Variants in IQSEC1 observed in about 807,000 individuals in gnomAD.
IQSEC1 encodes the protein IQ motif and Sec7 domain ArfGEF 1.
Under a neutral mutation model 91.0 loss-of-function variants are expected in IQSEC1, and 31 were observed. The ratio of observed to expected loss-of-function variants is 0.34; its 90% CI spans 0.26 to 0.46. The LOEUF (loss-of-function observed/expected upper bound fraction) is 0.46, where lower values mean the gene tolerates loss of function less well. Ranked by LOEUF, IQSEC1 falls within the 20% of genes least tolerant of loss-of-function variation. The probability of loss-of-function intolerance (pLI) is 1.00; values close to 1 mark genes in which losing one functional copy is unlikely to be tolerated. For missense variants in IQSEC1, 1,388 were observed against 1,575.6 expected, an observed-to-expected ratio of 0.88 and a Z score of 2.02; for synonymous variants, 699 against 662.6, an observed-to-expected ratio of 1.05 and a Z score of -0.84.
chr3:12,903,912 T>G (rs1694670260), intron 12 of IQSEC1, among the ~76,000 whole-genome samples: 1 of 152,202 alleles, frequency 6.6e-6, no homozygotes, highest in African/African-American at 2.4e-5. Context: ...GGCCCAATTC[T>G]CACAGGCAGC....
chr3:12,949,364 C>A (rs564947502), intron 1 of IQSEC1, among the ~76,000 whole-genome samples: 136 of 152,358 alleles, frequency 8.9e-4, no homozygotes, highest in Middle Eastern at 6.8e-3. Context: ...GGGGGCCGGG[C>A]CCCATGCTAG....
intron 1 of IQSEC1, among the ~76,000 whole-genome samples, chr3:13,165,345 G>A (rs1384970895): frequency 2.0e-5 from 3 of 152,116 alleles, no homozygotes; most frequent in South Asian, 2.1e-4. Flanking sequence ...GACCCCGGGG[G>A]CCATGGGACA....
intron 2 of IQSEC1, among the ~76,000 whole-genome samples, chr3:13,093,795 G>T (rs12490971): frequency 0.12 from 17,955 of 152,134 alleles, 1,095 homozygotes; most frequent in Middle Eastern, 0.21. Context: ...CCCACTGTTG[G>T]TCCACGTGAC....
At chr3:12,906,350 G>A (rs1306282156) in intron 12 of IQSEC1, among the ~76,000 whole-genome samples, 1 of 152,186 alleles carries the variant, frequency 6.6e-6, no homozygotes, top group Non-Finnish European at 1.5e-5. Flanking sequence ...CCCCCATCTG[G>A]TCCAGAGCAC....
chr3:13,040,271 A>C (rs1024156424), intron 1 of IQSEC1, among the ~76,000 whole-genome samples: 1 of 152,226 alleles, frequency 6.6e-6, no homozygotes, highest in Non-Finnish European at 1.5e-5. Flanking sequence ...TCCTGCAGGA[A>C]GCCTTCCAAT....
chr3:13,270,922 T>C (rs1695580613), intron 1 of IQSEC1, among the ~76,000 whole-genome samples: 1 of 151,976 alleles, frequency 6.6e-6, no homozygotes, highest in Non-Finnish European at 1.5e-5. Flanking sequence ...AAGACACAAA[T>C]AGGCTGAAAA....
intron 2 of IQSEC1, among the ~76,000 whole-genome samples, chr3:13,081,432 C>A (rs1394850015): frequency 5.3e-5 from 8 of 152,112 alleles, no homozygotes; most frequent in Admixed American, 1.3e-4. Context: ...CTACATCTGG[C>A]TAATTTTTAA....
intron 1 of IQSEC1, among the ~76,000 whole-genome samples, chr3:13,003,276 CAAAA>C (rs56239928): frequency 4.2e-4 from 24 of 57,104 alleles, no homozygotes; most frequent in East Asian, 2.0e-3. Flanking sequence ...CTGTCTCTAC[CAAAA>C]AAAAAAAAAA....
chr3:12,899,726 A>ACCG lies in IQSEC1; in HGVS notation c.*1254_*1256dup. 1.0e-6 allele frequency: 1 copy of ACCG among 985,136 alleles called. No individual in the cohort carries two copies. The highest frequency in any genetic ancestry group is 1.2e-6 in the Non-Finnish European group (1 of 829,792). 61.0% of individuals were successfully genotyped at this position (985,136 alleles called of 1,614,324 possible). On this transcript the variant is annotated 3_prime_UTR_variant, in exon 14 of 14. Transcript: ENST00000613206. Reference sequence around the variant, plus strand: ...AGAAAACAAAACGGGAAACACACACACCGCCCTGGGTTGCTAAACGCTAAA... The same window carrying ACCG: ...AGAAAACAAAACGGGAAACACACACACCGCCGCCCTGGGTTGCTAAACGCTAAA...
chr3:13,046,429 G>T (rs536701434), intron 1 of IQSEC1, among the ~76,000 whole-genome samples: 18 of 152,170 alleles, frequency 1.2e-4, no homozygotes, highest in Non-Finnish European at 2.4e-4. Context: ...CCACCCCCTC[G>T]CTCCCTGCAG....
At chr3:13,223,028 G>A (rs1484708349) in intron 1 of IQSEC1, among the ~76,000 whole-genome samples, 1 of 152,240 alleles carries the variant, frequency 6.6e-6, no homozygotes, top group East Asian at 1.9e-4. Flanking sequence ...TCTTTTGTCA[G>A]ACAGGTTGAG....
At chr3:13,058,863 G>A (rs1342174303) in intron 1 of IQSEC1, among the ~76,000 whole-genome samples, 2 of 152,210 alleles carry the variant, frequency 1.3e-5, no homozygotes, top group Non-Finnish European at 2.9e-5. Flanking sequence ...GAGAGCTGCA[G>A]CAGGGCGGCA....
chr3:12,955,030 G>A (rs1369477649), intron 1 of IQSEC1, among the ~76,000 whole-genome samples: 3 of 152,228 alleles, frequency 2.0e-5, no homozygotes, highest in Non-Finnish European at 4.4e-5. Flanking sequence ...GGGCTCAACA[G>A]TCACATAGCT....
chr3:13,019,618 GGGTA>G (rs898000928), intron 1 of IQSEC1, among the ~76,000 whole-genome samples: 11 of 152,240 alleles, frequency 7.2e-5, no homozygotes, highest in African/African-American at 2.4e-4. Flanking sequence ...CAACAGAATG[GGGTA>G]GGGGTCGGGA....
At chr3:13,081,150 T>C (rs1014139122) in intron 2 of IQSEC1, among the ~76,000 whole-genome samples, 1 of 152,252 alleles carries the variant, frequency 6.6e-6, no homozygotes, top group Non-Finnish European at 1.5e-5. Flanking sequence ...TATAACAGCG[T>C]GTCCATAACA....
At position 13,073,171 on chromosome 3, in the gene IQSEC1, GA is replaced by G; in HGVS notation, c.-158del. 4.0e-6 allele frequency: 3 copies of G among 754,150 alleles called. No individual in the cohort carries two copies. The highest frequency in any genetic ancestry group is 6.5e-6 in the Non-Finnish European group (3 of 462,508). The allele number at this position is 754,150 out of a possible 1,614,324, so 46.7% of individuals were successfully genotyped here. On this transcript the variant is annotated 5_prime_UTR_variant, in exon 1 of 14. Coordinates refer to ENST00000613206, the MANE Select transcript of IQSEC1 (RefSeq NM_001134382.3). Reference sequence around the variant, plus strand: ...CCCGGGGGTGGCGGGCTCCTCCAGGGAGGCTGGGGCGGGAGCGGGGGGCGGC... The same window carrying G: ...CCCGGGGGTGGCGGGCTCCTCCAGGGGGCTGGGGCGGGAGCGGGGGGCGGC...
intron 1 of IQSEC1, among the ~76,000 whole-genome samples, chr3:13,275,223 G>A (rs1695654441): frequency 6.6e-6 from 1 of 152,208 alleles, no homozygotes; most frequent in Admixed American, 6.5e-5. Flanking sequence ...TATTGCTGTG[G>A]CCTCACTACA....
Position 13,133,346 on chromosome 3 carries a change from G to A in IQSEC1, c.302+30758C>T, listed in dbSNP as rs1479566273. 2.6e-5 allele frequency among the ~76,000 whole-genome samples: 4 copies of A among 152,324 alleles called. No individual in the cohort carries two copies. The East Asian group carries it at 7.7e-4, about 29-fold the overall frequency. ...GATATTACAGAAGTGGCTGGACCAG[G>A]TCACACTCTCTGCCCTTTTTAAATG... On this transcript the variant is annotated intron_variant, in intron 2 of 15. Coordinates refer to the IQSEC1 transcript ENST00000648114.
chr3:13,276,514 A>G (rs1695684296), intron 1 of IQSEC1, among the ~76,000 whole-genome samples: 1 of 152,002 alleles, frequency 6.6e-6, no homozygotes, highest in African/African-American at 2.4e-5. Context: ...TCATGGGGAG[A>G]GACAGCAACT....
Sources: gnomAD v4.1 joint callset for allele counts (sites outside exome capture counted in the v4.1 genomes callset) on GRCh38, gnomAD v4.1.1 for gene constraint, MANE v1.5 for transcripts, NCBI Gene and HGNC (gene_info 2026-07-23, HGNC 2026-07-21) for gene names.